TBC1D23: variants seen among roughly 807,000 people sequenced by gnomAD.
TBC1D23 encodes HCV non-structural protein 4A-transactivated protein 1.
A neutral mutation model predicts 91.4 loss-of-function variants in TBC1D23; 55 were observed. The observed-to-expected ratio is 0.60, with a 90% CI of 0.48 to 0.75. The LOEUF (loss-of-function observed/expected upper bound fraction) is 0.75. TBC1D23 is among the 30% of genes least tolerant of loss of function. The probability of loss-of-function intolerance (pLI) is 0.00; values close to 1 mark genes in which losing one functional copy is unlikely to be tolerated. For missense variants in TBC1D23, 725 were observed against 836.1 expected (o/e 0.87, Z 1.64); for synonymous variants, 289 against 281.0 (o/e 1.03, Z -0.28).
At position 100,309,128 on chromosome 3, in the gene TBC1D23, C is replaced by T. The variant is rs1021925171; in HGVS notation, c.1414-1275C>T. Among the ~76,000 whole-genome samples the T allele has an allele frequency of 1.3e-4, 20 of 152,098 alleles. 1 individual carries two copies. The highest frequency in any genetic ancestry group is 2.9e-5 in the Non-Finnish European group (2 of 68,018). On this transcript the variant is annotated intron_variant, in intron 13 of 18. Transcript: ENST00000394144. ...GGCGGAGGTTGCAGTGAGCCAAGAT[C>T]GCACCACTGCACTCCAACCTGGGCA...
intron 1 of TBC1D23, among the ~76,000 whole-genome samples, chr3:100,271,801 A>G (rs2067601759): frequency 1.3e-5 from 2 of 152,224 alleles, no homozygotes; most frequent in Admixed American, 6.5e-5. Context: ...AGAAGCCCAC[A>G]TTGAGTAGAG....
chr3:100,262,889 T>C (rs150716195), intron 1 of TBC1D23, among the ~76,000 whole-genome samples: 1 of 152,218 alleles, frequency 6.6e-6, no homozygotes, highest in Non-Finnish European at 1.5e-5. Flanking sequence ...AGCTACCTTA[T>C]ATTTCAATTT....
At chr3:100,264,837 T>G (rs1238761965) in intron 1 of TBC1D23, among the ~76,000 whole-genome samples, 1 of 152,196 alleles carries the variant, frequency 6.6e-6, no homozygotes, top group Non-Finnish European at 1.5e-5. Context: ...GTTCACTGCT[T>G]CTCAAAATTT....
At chr3:100,275,814 A>G (rs1014853197) in intron 1 of TBC1D23, among the ~76,000 whole-genome samples, 6 of 152,242 alleles carry the variant, frequency 3.9e-5, no homozygotes, top group African/African-American at 1.2e-4. Flanking sequence ...TTCATATACA[A>G]TGGACTATTA....
At chr3:100,315,508 A>G (rs1323539393) in intron 15 of TBC1D23, among the ~76,000 whole-genome samples, 1 of 152,180 alleles carries the variant, frequency 6.6e-6, no homozygotes, top group Non-Finnish European at 1.5e-5. Context: ...CAAAAGTAGA[A>G]TCTTCATTTC....
chr3:100,320,503 G>A lies in TBC1D23; in HGVS notation c.1824-274G>A, dbSNP rs145782406. ...CCATTTCAATAAAAAATATATTATT[G>A]TAGTGATTTCTATGTTGTATGGAAC... On this transcript the variant is annotated intron_variant, in intron 17 of 18. Coordinates refer to ENST00000394144, the MANE Select transcript of TBC1D23 (RefSeq NM_001199198.3). Among the ~76,000 whole-genome samples the A allele has an allele frequency of 4.6e-3, 707 of 152,092 alleles. 2 individuals carry two copies. The highest frequency in any genetic ancestry group is 6.3e-3 in the Non-Finnish European group (428 of 67,958).
chr3:100,287,324 C>CT (rs1559805245), intron 4 of TBC1D23, among the ~76,000 whole-genome samples: 1 of 152,116 alleles, frequency 6.6e-6, no homozygotes, highest in African/African-American at 2.4e-5. Flanking sequence ...ACTAGCATGT[C>CT]TTATTACAGT....
At chr3:100,298,613 T>C (rs986846902) in intron 9 of TBC1D23, among the ~76,000 whole-genome samples, 1 of 152,176 alleles carries the variant, frequency 6.6e-6, no homozygotes, top group Non-Finnish European at 1.5e-5. Context: ...CGTGGGAAAA[T>C]AGCCTTTTAT....
In TBC1D23 at chr3:100,279,740, C is replaced by A; in HGVS notation, c.145C>A (p.Leu49Met). The change falls in exon 2 of 19, where the codon CTG becomes ATG. Residue 49 changes from leucine to methionine, a missense_variant. Transcript: ENST00000394144. ...IIQGRPLPADLRAKVWKIALN... is the reference protein window; with the variant it reads ...IIQGRPLPADMRAKVWKIALN... Reference sequence around the variant, plus strand: ...TCAAGGAAGACCGCTGCCTGCTGATCTGAGGGCCAAAGTTTGGAAGGTAAC... The same window carrying A: ...TCAAGGAAGACCGCTGCCTGCTGATATGAGGGCCAAAGTTTGGAAGGTAAC... 1 of 1,598,132 alleles carries A rather than the reference C, an allele frequency of 6.3e-7. No individual in the cohort carries two copies. Among genetic ancestry groups the A allele is most frequent in the South Asian group, 1.1e-5 (1 of 89,164 alleles).
intron 18 of TBC1D23, among the ~76,000 whole-genome samples, chr3:100,321,641 T>G (rs1312384836): frequency 1.3e-5 from 2 of 152,216 alleles, no homozygotes; most frequent in Non-Finnish European, 2.9e-5. Context: ...AGGATTACAC[T>G]TATTATTTAC....
chr3:100,271,770 T>C (rs772196570), intron 1 of TBC1D23, among the ~76,000 whole-genome samples: 1 of 152,154 alleles, frequency 6.6e-6, no homozygotes, highest in Non-Finnish European at 1.5e-5. Context: ...GATAGCATCA[T>C]AGAGTTGTCT....
chr3:100,263,607 G>A (rs530005097), intron 1 of TBC1D23, among the ~76,000 whole-genome samples: 78 of 152,308 alleles, frequency 5.1e-4, no homozygotes, highest in Non-Finnish European at 9.1e-4. Context: ...AATAGATCTG[G>A]AAAAATAGTA....
intron 11 of TBC1D23, among the ~76,000 whole-genome samples, chr3:100,304,025 C>CT (rs1271983202): frequency 6.6e-6 from 1 of 152,058 alleles, no homozygotes; most frequent in Non-Finnish European, 1.5e-5. Context: ...AAAAATTTAA[C>CT]TAGTGTTCAA....
intron 13 of TBC1D23, 125 bp from the exon 14 acceptor site, chr3:100,310,278 A>C: frequency 1.3e-6 from 1 of 795,704 alleles, no homozygotes. Flanking sequence ...ATATACTGGG[A>C]GTTAGGACTT....
intron 1 of TBC1D23, among the ~76,000 whole-genome samples, chr3:100,265,107 A>G (rs1032957274): frequency 1.3e-5 from 2 of 152,258 alleles, no homozygotes; most frequent in African/African-American, 2.4e-5. Flanking sequence ...ATGTGTAATT[A>G]CATGACTTAT....
intron 13 of TBC1D23, among the ~76,000 whole-genome samples, chr3:100,309,196 C>T (rs1341191259): frequency 7.0e-6 from 1 of 142,476 alleles, no homozygotes; most frequent in Non-Finnish European, 1.6e-5. Flanking sequence ...ACAAAAAACA[C>T]AAAAAAGAAT....
intron 18 of TBC1D23, among the ~76,000 whole-genome samples, chr3:100,321,794 T>A (rs778832688): frequency 2.6e-5 from 4 of 151,470 alleles, no homozygotes; most frequent in Non-Finnish European, 5.9e-5. Context: ...TATACTGTTT[T>A]ATGTAATTTG....
intron 1 of TBC1D23, 167 bp from the exon 2 acceptor site, chr3:100,279,482 A>G (rs1397701378): frequency 4.3e-6 from 2 of 463,230 alleles, no homozygotes; most frequent in Admixed American, 7.4e-5. Context: ...ATGAAGCCTG[A>G]GATTTCCCAC....
chr3:100,269,849 A>G (rs1256723628), intron 1 of TBC1D23, among the ~76,000 whole-genome samples: 5 of 152,214 alleles, frequency 3.3e-5, no homozygotes, highest in East Asian at 1.9e-4. Context: ...TGAAACCACA[A>G]TTCAATACAT....
Sources: allele counts gnomAD v4.1 joint callset (sites outside exome capture counted in the v4.1 genomes callset), GRCh38; gene constraint gnomAD v4.1.1; transcripts MANE v1.5; gene names NCBI Gene and HGNC (gene_info 2026-07-23, HGNC 2026-07-21).